DMRTC1: variants seen among roughly 807,000 people sequenced by gnomAD.
The protein encoded by DMRTC1 is doublesex- and mab-3-related transcription factor C1.
For missense variants in DMRTC1, 9 were observed against 34.6 expected (o/e 0.26, Z 1.86); for synonymous variants, 7 against 14.1 (o/e 0.50, Z 1.13).
At chrX:72,874,596 G>C (rs1481045715) in intron 4 of DMRTC1, among the ~76,000 whole-genome samples, 2 of 86,621 alleles carry the variant, frequency 2.3e-5, no homozygotes, top group East Asian at 1.3e-3. Flanking sequence ...AAATAGCAAA[G>C]CTAGGAGAGC....
rs1215531757 is a variant in DMRTC1 at position 72,913,446 on chromosome X, C to G, written c.-95+30129G>C. On this transcript the variant is annotated intron_variant, in intron 1 of 6. Transcript: ENST00000615063. ...TGTAACTTTCAACACGTCGGCTGAA[C>G]TGGGGGTGGTCAGCTTTGGTGGTGG... 2.4e-4 allele frequency: 103 copies of G among 427,896 alleles called. 1 individual carries two copies. The highest frequency in any genetic ancestry group is 4.2e-4 in the Admixed American group (11 of 26,369). 35.3% of individuals were successfully genotyped at this position (427,896 alleles called of 1,213,427 possible).
At chrX:72,913,560 C>A (rs1232125035) in intron 1 of DMRTC1, among the ~76,000 whole-genome samples, 1 of 102,956 alleles carries the variant, frequency 9.7e-6, no homozygotes. Flanking sequence ...TTACTAGGTC[C>A]TGGTGGCGAT....
At chrX:72,913,348 G>A (rs1276985430) in intron 1 of DMRTC1, 10 of 530,402 alleles carry the variant, frequency 1.9e-5, no homozygotes, top group East Asian at 3.5e-5. Context: ...GCCCCTGCTC[G>A]CCCCAGTGTC....
Position 72,880,693 on chromosome X carries a change from TTTC to T in DMRTC1, c.-94-4908_-94-4906del, listed in dbSNP as rs1424712258. ...TGCTTTGCTTTTTCTCTTTTCTTTC[TTTC>T]TTTTTTTTTTTTTTTTTGACGGAGT... is the stretch of plus-strand genomic sequence containing the variant. On this transcript the variant is annotated intron_variant, in intron 1 of 6. Transcript: ENST00000615063. 7.0e-4 allele frequency among the ~76,000 whole-genome samples: 4 copies of T among 5,752 alleles called. 2 individuals carry two copies. Among genetic ancestry groups the T allele is most frequent in the African/African-American group, 1.4e-3 (4 of 2,912 alleles). 5.0% of individuals were successfully genotyped at this position (5,752 alleles called of 115,157 possible).
In DMRTC1 at chrX:72,913,320, C is replaced by T. The variant is rs1262317630; in HGVS notation, c.-95+30255G>A. 11 of 651,164 alleles carry T rather than the reference C, an allele frequency of 1.7e-5. No individual in the cohort carries two copies. In the East Asian group the frequency reaches 2.7e-4, roughly 16 times the overall value. The allele number at this position is 651,164 out of a possible 1,213,427, so 53.7% of individuals were successfully genotyped here. ...GACACAGGCGTGAACGGTGACCGAG[C>T]CCCCTCTGATGCTCCATGCCCCTGC... On this transcript the variant is annotated intron_variant, in intron 1 of 6. Transcript: ENST00000615063.
chrX:72,879,382 TTCCC>T (rs2054830418), intron 1 of DMRTC1, among the ~76,000 whole-genome samples: 27 of 41,352 alleles, frequency 6.5e-4, no homozygotes, highest in African/African-American at 2.4e-3. Context: ...TTCCCTTCCC[TTCCC>T]TTCCTTTCCT....
At chrX:72,879,136 G>GTTTT (rs1556352208) in intron 1 of DMRTC1, among the ~76,000 whole-genome samples, 2 of 74,455 alleles carry the variant, frequency 2.7e-5, no homozygotes, top group African/African-American at 9.4e-5. Context: ...AGTTATGGGG[G>GTTTT]TTTTTTGTTT....
chrX:72,879,136 G>GTTT (rs1556352208), intron 1 of DMRTC1, among the ~76,000 whole-genome samples: 2 of 74,455 alleles, frequency 2.7e-5, no homozygotes, highest in African/African-American at 9.4e-5. Context: ...AGTTATGGGG[G>GTTT]TTTTTTGTTT....
At chrX:72,879,485 C>T (rs2054832061) in intron 1 of DMRTC1, among the ~76,000 whole-genome samples, 1 of 62,001 alleles carries the variant, frequency 1.6e-5, no homozygotes, top group African/African-American at 6.1e-5. Context: ...TGTCTTAGGC[C>T]TTTTGTCCTT....
rs1445719489 is a variant in DMRTC1, at chrX:72,913,097, C to T, written c.-95+30478G>A. On this transcript the variant is annotated intron_variant, in intron 1 of 6. Transcript: ENST00000615063. ...GGCATGTTTCATCAAGTGCTTCAGG[C>T]GAGAGCTCCTTCGGAGCCAGCCTCT... The T allele has an allele frequency of 1.2e-4, 56 of 479,905 alleles. 1 individual carries two copies. Among genetic ancestry groups the T allele is most frequent in the Non-Finnish European group, 1.9e-4 (51 of 268,322 alleles). The allele number at this position is 479,905 out of a possible 1,213,427, so 39.5% of individuals were successfully genotyped here.
At chrX:72,879,810 C>A (rs1556352592) in intron 1 of DMRTC1, among the ~76,000 whole-genome samples, 3 of 86,452 alleles carry the variant, frequency 3.5e-5, no homozygotes, top group Non-Finnish European at 4.9e-5. Flanking sequence ...TCCTTCCTCC[C>A]TCCCTCCTTC....
At chrX:72,872,610 C>A in intron 6 of DMRTC1, 46 bp from the exon 7 acceptor site, 3 of 1,199,085 alleles carry the variant, frequency 2.5e-6, no homozygotes, top group East Asian at 3.2e-5. Flanking sequence ...CATCCACATC[C>A]CCTTCCAGAT....
intron 1 of DMRTC1, among the ~76,000 whole-genome samples, chrX:72,905,884 T>A (rs4313324): frequency 0.18 from 19,296 of 107,852 alleles, 789 homozygotes; most frequent in East Asian, 0.44. Flanking sequence ...TAATAAAAAA[T>A]TAGAGCAGAA....
intron 4 of DMRTC1, among the ~76,000 whole-genome samples, chrX:72,874,481 G>A (rs1397456444): frequency 8.2e-5 from 4 of 48,592 alleles, no homozygotes; most frequent in African/African-American, 9.1e-5. Flanking sequence ...CCTTGTGCCC[G>A]TTCCCTTTTC....
chrX:72,875,161 G>A, intron 3 of DMRTC1, 112 bp downstream of exon 3: 1 of 20,427 alleles, frequency 4.9e-5, no homozygotes, highest in Non-Finnish European at 6.7e-5. Flanking sequence ...AAGGTCACAT[G>A]GTGAGCTGGT....
intron 1 of DMRTC1, chrX:72,913,316 C>G (rs1216244381): frequency 3.0e-6 from 2 of 666,732 alleles, no homozygotes; most frequent in Non-Finnish European, 4.7e-6. Flanking sequence ...GAACGGTGAC[C>G]GAGCCCCCTC....
At chrX:72,874,724 C>CCAACAA in intron 4 of DMRTC1, 101 bp downstream of exon 4, 1 of 279,315 alleles carries the variant, frequency 3.6e-6, no homozygotes, top group Non-Finnish European at 5.6e-6. Flanking sequence ...TCCACCACCT[C>CCAACAA]CTCCTCCTCC....
chrX:72,879,147 GTTTTTTT>G (rs781972795), intron 1 of DMRTC1, among the ~76,000 whole-genome samples: 1 of 12,800 alleles, frequency 7.8e-5, no homozygotes, highest in Admixed American at 1.7e-3. Flanking sequence ...TTTTTTGTTT[GTTTTTTT>G]TTTTTTTTTT....
chrX:72,876,865 C>CT lies in DMRTC1; in HGVS notation c.-94-1078dup, dbSNP rs5902714. Among the ~76,000 whole-genome samples, 396 of 32,646 alleles carry CT rather than the reference C, an allele frequency of 0.012. 103 individuals are homozygous for CT. In the East Asian group the frequency reaches 0.13, roughly 10 times the overall value. 28.3% of individuals were successfully genotyped at this position (32,646 alleles called of 115,157 possible). A position where few individuals can be genotyped will look rare whatever the true frequency, so the allele number is the denominator to read the frequency against. On this transcript the variant is annotated intron_variant, in intron 1 of 6. Transcript: ENST00000615063. ...CATCCCTTCATGCATCCCCCCCGGC[C>CT]TTTTTTTTTTTTTTTTTTTTTGAGA...
Sources: gnomAD v4.1 joint callset for allele counts (sites outside exome capture counted in the v4.1 genomes callset) on GRCh38, gnomAD v4.1.1 for gene constraint, MANE v1.5 for transcripts, NCBI Gene and HGNC (gene_info 2026-07-23, HGNC 2026-07-21) for gene names.